B4GALT6: variants seen among roughly 807,000 people sequenced by gnomAD.
B4GALT6 encodes UDP-Gal:beta-GlcNAc beta-1,4-galactosyltransferase 6.
A neutral mutation model predicts 46.3 loss-of-function variants in B4GALT6; 14 were observed. That is an observed-to-expected ratio of 0.30 (90% confidence interval 0.20 to 0.47). The LOEUF (loss-of-function observed/expected upper bound fraction) is 0.47. B4GALT6 is among the 20% of genes least tolerant of loss of function. B4GALT6 has a pLI of 0.99. For synonymous variants in B4GALT6, 168 were observed against 162.0 expected, an observed-to-expected ratio of 1.04 and a Z score of -0.28; for missense variants, 386 against 480.1, an observed-to-expected ratio of 0.80 and a Z score of 1.83.
the B4GALT6 span, among the ~76,000 whole-genome samples, chr18:31,710,742 C>A: frequency 6.6e-6 from 1 of 150,824 alleles, no homozygotes. Context: ...CCTGGCAGCC[C>A]CAGAAAAACT....
the B4GALT6 span, among the ~76,000 whole-genome samples, chr18:31,708,282 T>C: frequency 1.3e-5 from 2 of 152,186 alleles, no homozygotes; most frequent in South Asian, 2.1e-4. Flanking sequence ...CACAGCACTA[T>C]AGCTGGGTGC....
At chr18:31,694,549 A>G in the B4GALT6 span, among the ~76,000 whole-genome samples, 1 of 152,234 alleles carries the variant, frequency 6.6e-6, no homozygotes, top group Non-Finnish European at 1.5e-5. Flanking sequence ...TATACCAAGG[A>G]GAGGCCATGA....
At position 31,642,986 on chromosome 18, in the gene B4GALT6, C is replaced by T. The variant is rs191347380; in HGVS notation, c.471+2369G>A. 4.7e-4 allele frequency among the ~76,000 whole-genome samples: 71 copies of T among 152,340 alleles called. No homozygotes were observed. The South Asian group carries it at 0.011, about 23-fold the overall frequency. On this transcript the variant is annotated intron_variant, in intron 4 of 8. Coordinates refer to ENST00000306851, the MANE Select transcript of B4GALT6 (RefSeq NM_004775.5). The stretch of plus-strand genomic sequence containing the variant: ...TTTTTCTCATTTAAAAAAGGGGCCT[C>T]AAATATTAAGAATCAAGTTGATGAC...
At chr18:31,711,037 A>G in the B4GALT6 span, among the ~76,000 whole-genome samples, 3 of 152,166 alleles carry the variant, frequency 2.0e-5, no homozygotes, top group Non-Finnish European at 4.4e-5. Context: ...ACAGCCTGCA[A>G]TCTACAGGCA....
intron 1 of B4GALT6, among the ~76,000 whole-genome samples, chr18:31,673,403 G>T (rs2074379637): frequency 6.6e-6 from 1 of 152,180 alleles, no homozygotes; most frequent in Admixed American, 6.5e-5. Flanking sequence ...GGGAGAGCAG[G>T]CCACAGCTAT....
the B4GALT6 span, among the ~76,000 whole-genome samples, chr18:31,720,999 A>T: frequency 6.6e-6 from 1 of 152,184 alleles, no homozygotes; most frequent in South Asian, 2.1e-4. Flanking sequence ...ACAGGAGTTG[A>T]CACTGGTTCA....
At chr18:31,705,935 C>T in the B4GALT6 span, among the ~76,000 whole-genome samples, 1 of 152,202 alleles carries the variant, frequency 6.6e-6, no homozygotes, top group Admixed American at 6.6e-5. Flanking sequence ...ACCAGTTTGT[C>T]ATTTTGCTGA....
chr18:31,637,573 G>A (rs2073875424), intron 5 of B4GALT6, among the ~76,000 whole-genome samples: 1 of 151,790 alleles, frequency 6.6e-6, no homozygotes, highest in South Asian at 2.1e-4. Context: ...TTGTTTTTAG[G>A]TTTACTAACT....
the B4GALT6 span, among the ~76,000 whole-genome samples, chr18:31,718,439 A>C: frequency 6.6e-6 from 1 of 152,146 alleles, no homozygotes; most frequent in African/African-American, 2.4e-5. Context: ...TATTTCTTTT[A>C]TTTCAAACAG....
intron 2 of B4GALT6, among the ~76,000 whole-genome samples, chr18:31,665,650 G>A (rs1317372657): frequency 6.6e-6 from 1 of 152,210 alleles, no homozygotes; most frequent in Non-Finnish European, 1.5e-5. Flanking sequence ...ACTGAGGCGT[G>A]AGAATGGCGT....
In B4GALT6 at chr18:31,639,610, T is replaced by G. The variant is rs546739426; in HGVS notation, c.472-850A>C. 4.7e-4 allele frequency among the ~76,000 whole-genome samples: 71 copies of G among 152,312 alleles called. No homozygotes were observed. The South Asian group carries it at 0.011, about 23-fold the overall frequency. On this transcript the variant is annotated intron_variant, in intron 4 of 8. Coordinates refer to ENST00000306851, the MANE Select transcript of B4GALT6 (RefSeq NM_004775.5). ...GATAATATTCAGTTTAAAATGAAACTGGTAACAAACCATAACAAGAAAAGA... is the reference window on the plus strand; with the variant it reads ...GATAATATTCAGTTTAAAATGAAACGGGTAACAAACCATAACAAGAAAAGA...
At chr18:31,703,435 T>C in the B4GALT6 span, among the ~76,000 whole-genome samples, 4 of 152,282 alleles carry the variant, frequency 2.6e-5, no homozygotes, top group East Asian at 5.8e-4. Context: ...TTATAGTATG[T>C]GGTCAGTTAG....
chr18:31,662,212 C>A (rs2074225745), intron 2 of B4GALT6, among the ~76,000 whole-genome samples: 2 of 152,192 alleles, frequency 1.3e-5, no homozygotes, highest in African/African-American at 4.8e-5. Context: ...ATTATATTCA[C>A]TTCATTGAAT....
At chr18:31,628,496 T>C (rs962684124) in intron 6 of B4GALT6, among the ~76,000 whole-genome samples, 6 of 152,218 alleles carry the variant, frequency 3.9e-5, no homozygotes, top group Non-Finnish European at 8.8e-5. Context: ...TTGTGCTATA[T>C]GAATAATGGA....
At chr18:31,709,430 C>T in the B4GALT6 span, among the ~76,000 whole-genome samples, 254 of 121,654 alleles carry the variant, frequency 2.1e-3, 2 homozygotes, top group African/African-American at 0.01. Context: ...TTCTGCAATT[C>T]ATACATATAT....
At chr18:31,691,461 A>G in the B4GALT6 span, among the ~76,000 whole-genome samples, 2 of 151,890 alleles carry the variant, frequency 1.3e-5, no homozygotes, top group Admixed American at 6.6e-5. Flanking sequence ...AAGATAAAAT[A>G]TATAGATGAA....
chr18:31,712,428 A>C, the B4GALT6 span, among the ~76,000 whole-genome samples: 1 of 148,936 alleles, frequency 6.7e-6, no homozygotes, highest in African/African-American at 2.5e-5. Flanking sequence ...TCAGCCTCCC[A>C]AGTAGCTGGG....
chr18:31,650,828 G>A (rs1263623570), intron 3 of B4GALT6, among the ~76,000 whole-genome samples: 2 of 152,082 alleles, frequency 1.3e-5, no homozygotes, highest in Non-Finnish European at 2.9e-5. Flanking sequence ...GAGTGCAGTG[G>A]CGCCATCTCG....
At position 31,642,532 on chromosome 18, in the gene B4GALT6, T is replaced by A. The variant is rs77646060; in HGVS notation, c.471+2823A>T. ...TGTTCATCAAGCCCTCCATCTGAAA[T>A]CTGAATGGAAAGTCAATGTCACAGG... is the stretch of plus-strand genomic sequence containing the variant. On this transcript the variant is annotated intron_variant, in intron 4 of 8. Coordinates refer to ENST00000306851, the MANE Select transcript of B4GALT6 (RefSeq NM_004775.5). 2.5e-3 allele frequency among the ~76,000 whole-genome samples: 388 copies of A among 152,288 alleles called. 2 individuals are homozygous for A. Among genetic ancestry groups the A allele is most frequent in the African/African-American group, 9.1e-3 (380 of 41,564 alleles).
Sources: allele counts gnomAD v4.1 joint callset (sites outside exome capture counted in the v4.1 genomes callset), GRCh38; gene constraint gnomAD v4.1.1; transcripts MANE v1.5; gene names NCBI Gene and HGNC (gene_info 2026-07-23, HGNC 2026-07-21).